FOXP1: variants seen among roughly 807,000 people sequenced by gnomAD.
The protein encoded by FOXP1 is forkhead box protein P1.
A neutral mutation model predicts 98.2 loss-of-function variants in FOXP1; 15 were observed. That is an observed-to-expected ratio of 0.15 (90% confidence interval 0.10 to 0.24). FOXP1 has a LOEUF of 0.24. Among genes scored for constraint, FOXP1 ranks in the 10% least tolerant of loss-of-function variants. FOXP1 has a pLI of 1.00. For missense variants in FOXP1, 633 were observed against 848.5 expected, an observed-to-expected ratio of 0.75 and a Z score of 3.15; for synonymous variants, 371 against 314.5, an observed-to-expected ratio of 1.18 and a Z score of -1.90.
At chr3:71,232,479 A>C (rs1484674303) in intron 5 of FOXP1, among the ~76,000 whole-genome samples, 1 of 152,234 alleles carries the variant, frequency 6.6e-6, no homozygotes, top group African/African-American at 2.4e-5. Flanking sequence ...TGTCATCTCC[A>C]TGGTAGTACA....
chr3:71,473,849 T>G (rs1364147777), intron 3 of FOXP1, among the ~76,000 whole-genome samples: 1 of 152,184 alleles, frequency 6.6e-6, no homozygotes, highest in East Asian at 1.9e-4. Flanking sequence ...CAAAAAGAAC[T>G]GTTACATCTC....
At chr3:71,379,175 A>T (rs2079955358) in intron 3 of FOXP1, among the ~76,000 whole-genome samples, 1 of 151,884 alleles carries the variant, frequency 6.6e-6, no homozygotes, top group Admixed American at 6.6e-5. Flanking sequence ...TTGTATCTAT[A>T]TTTTCATGTT....
At position 71,053,838 on chromosome 3, in the gene FOXP1, A is replaced by G. The variant is rs566906854; in HGVS notation, c.283-65T>C. 125 of 1,586,602 alleles carry G rather than the reference A, an allele frequency of 7.9e-5. 1 individual carries two copies. The highest frequency in any genetic ancestry group is 5.9e-5 in the Non-Finnish European group (68 of 1,157,550). On this transcript the variant is annotated intron_variant, in intron 7 of 20. Transcript: ENST00000649528. ...CAGAAGCACGCAGCCTCCCAGGTTC[A>G]GCAGCTGACTGCCATCAGCCTGCTT... is the stretch of plus-strand genomic sequence containing the variant.
chr3:71,577,932 G>C (rs1245682469), intron 2 of FOXP1, among the ~76,000 whole-genome samples: 2 of 151,892 alleles, frequency 1.3e-5, no homozygotes, highest in African/African-American at 2.4e-5. Flanking sequence ...ATATACTCTA[G>C]ATTCAAAAAA....
chr3:71,197,666 C>T (rs972758370), intron 6 of FOXP1, among the ~76,000 whole-genome samples: 19 of 152,272 alleles, frequency 1.2e-4, no homozygotes, highest in Non-Finnish European at 2.1e-4. Context: ...AAATCCTACT[C>T]GTAGAGGGAA....
chr3:71,125,995 A>G (rs946860089), intron 6 of FOXP1, among the ~76,000 whole-genome samples: 1 of 152,232 alleles, frequency 6.6e-6, no homozygotes, highest in Non-Finnish European at 1.5e-5. Flanking sequence ...TGATACATGT[A>G]AAGTGCATAG....
In FOXP1 at chr3:71,346,757, T is replaced by C. The variant is rs2077388103; in HGVS notation, c.-73+12393A>G. Among the ~76,000 whole-genome samples the C allele has an allele frequency of 5.3e-5, 8 of 152,114 alleles. No individual in the cohort carries two copies. In the South Asian group the frequency reaches 1.7e-3, roughly 32 times the overall value. On this transcript the variant is annotated intron_variant, in intron 4 of 20. Transcript: ENST00000649528. ...CTTGCTCTATTAGCAAGACTTTATA[T>C]AATACACATATTATTTAGGCAACTA...
At chr3:71,410,257 C>T (rs536814722) in intron 3 of FOXP1, among the ~76,000 whole-genome samples, 12 of 152,252 alleles carry the variant, frequency 7.9e-5, no homozygotes, top group African/African-American at 2.9e-4. Context: ...AAGTATCTAC[C>T]AGACTGAAGC....
At chr3:71,366,143 T>C (rs1460146738) in intron 3 of FOXP1, among the ~76,000 whole-genome samples, 1 of 152,220 alleles carries the variant, frequency 6.6e-6, no homozygotes, top group Non-Finnish European at 1.5e-5. Flanking sequence ...GGTCCACTTT[T>C]TTTTTCGTTG....
At chr3:71,241,188 C>T (rs1046198069) in intron 5 of FOXP1, among the ~76,000 whole-genome samples, 1 of 151,098 alleles carries the variant, frequency 6.6e-6, no homozygotes, top group African/African-American at 2.4e-5. Flanking sequence ...CTAGCCCAGG[C>T]GACAGTGTGA....
chr3:71,342,293 AC>A (rs1450009431), intron 4 of FOXP1, among the ~76,000 whole-genome samples: 1 of 152,182 alleles, frequency 6.6e-6, no homozygotes, highest in African/African-American at 2.4e-5. Flanking sequence ...GAAAACTCAA[AC>A]CCTATAAAGA....
At position 70,978,049 on chromosome 3, in the gene FOXP1, G is replaced by A. The variant is rs199754473; in HGVS notation, c.1147-20C>T. On this transcript the variant is annotated intron_variant, in intron 14 of 20. Transcript: ENST00000649528. ...ATTCAACTGCAAGGAAAAAAACAAC[G>A]TCTTAGAAGACCTTCAGAAAACCAG... The A allele has an allele frequency of 1.7e-5, 27 of 1,608,878 alleles. No individual in the cohort carries two copies. The highest frequency in any genetic ancestry group is 1.7e-4 in the Middle Eastern group (1 of 6,056).
intron 6 of FOXP1, among the ~76,000 whole-genome samples, chr3:71,127,696 C>A (rs1199682501): frequency 6.6e-6 from 1 of 152,184 alleles, no homozygotes; most frequent in Non-Finnish European, 1.5e-5. Flanking sequence ...TACAGACACA[C>A]CCGGAAATTG....
intron 3 of FOXP1, among the ~76,000 whole-genome samples, chr3:71,391,882 T>C (rs1290824676): frequency 6.6e-6 from 1 of 152,186 alleles, no homozygotes; most frequent in African/African-American, 2.4e-5. Flanking sequence ...CAGGACACTT[T>C]TACTACATTT....
intron 19 of FOXP1, among the ~76,000 whole-genome samples, chr3:70,966,672 G>C (rs1039339542): frequency 2.6e-5 from 4 of 152,174 alleles, no homozygotes; most frequent in African/African-American, 9.7e-5. Context: ...TAGTGTTTCA[G>C]AGTCCGACCA....
At chr3:71,315,079 T>TAAAAAA (rs11355298) in intron 4 of FOXP1, among the ~76,000 whole-genome samples, 45 of 70,672 alleles carry the variant, frequency 6.4e-4, no homozygotes, top group African/African-American at 1.7e-3. Flanking sequence ...CTGGTCCATG[T>TAAAAAA]AAAAAAAAAA....
At chr3:71,024,367 T>G (rs1378361171) in intron 11 of FOXP1, among the ~76,000 whole-genome samples, 1 of 152,170 alleles carries the variant, frequency 6.6e-6, no homozygotes, top group Non-Finnish European at 1.5e-5. Flanking sequence ...TTTTCACTTC[T>G]CACTCACTGC....
At chr3:71,413,012 C>T (rs1463501903) in intron 3 of FOXP1, among the ~76,000 whole-genome samples, 1 of 152,030 alleles carries the variant, frequency 6.6e-6, no homozygotes, top group African/African-American at 2.4e-5. Flanking sequence ...GGAATGACTG[C>T]CCAAATTCAT....
intron 1 of FOXP1, chr3:71,582,154 C>G: frequency 1.0e-6 from 1 of 985,058 alleles, no homozygotes. Flanking sequence ...GAGCGGAGCT[C>G]CCCAGAGCCC....
Sources: gnomAD v4.1 joint callset for allele counts (sites outside exome capture counted in the v4.1 genomes callset) on GRCh38, gnomAD v4.1.1 for gene constraint, MANE v1.5 for transcripts, NCBI Gene and HGNC (gene_info 2026-07-23, HGNC 2026-07-21) for gene names.